Variants in CALD1 observed in about 807,000 individuals in gnomAD.
The protein encoded by CALD1 is caldesmon.
Under a neutral mutation model 99.9 loss-of-function variants are expected in CALD1, and 33 were observed. The ratio of observed to expected loss-of-function variants is 0.33; its 90% CI spans 0.25 to 0.44. The LOEUF (loss-of-function observed/expected upper bound fraction) is 0.44. CALD1 is among the 20% of genes least tolerant of loss of function. CALD1 has a pLI of 1.00. For synonymous variants in CALD1, 310 were observed against 325.0 expected, an observed-to-expected ratio of 0.95 and a Z score of 0.50; for missense variants, 861 against 962.1, an observed-to-expected ratio of 0.89 and a Z score of 1.39.
rs188953841 is a variant in CALD1, at chr7:134,783,562, G to A, written c.-130+3813G>A. ...TGGGTAAGGCTATGGGAGCGGGGTC[G>A]GGGGGAAACTATGACCTGGGCTGTG... On this transcript the variant is annotated intron_variant, in intron 1 of 14. Coordinates refer to ENST00000361675, the MANE Select transcript of CALD1 (RefSeq NM_033138.4). This position sits in a 1 kb window ranked among gnomAD's most constrained non-coding sequence, Gnocchi z 4.3. 2.6e-4 allele frequency among the ~76,000 whole-genome samples: 40 copies of A among 152,260 alleles called. No individual in the cohort carries two copies. In the East Asian group the frequency reaches 4.1e-3, roughly 15 times the overall value.
At chr7:134,785,132 T>C (rs1331911881) in intron 1 of CALD1, among the ~76,000 whole-genome samples, 1 of 152,154 alleles carries the variant, frequency 6.6e-6, no homozygotes, top group Non-Finnish European at 1.5e-5. Flanking sequence ...CCAACAGCTC[T>C]CAATGGGAAT....
intron 1 of CALD1, among the ~76,000 whole-genome samples, chr7:134,758,296 T>G (rs1796747190): frequency 6.6e-6 from 1 of 152,252 alleles, no homozygotes; most frequent in Non-Finnish European, 1.5e-5. Flanking sequence ...AGAACTGGGA[T>G]GACTGCCTGT....
In CALD1 at chr7:134,752,241, G is replaced by A. The variant is rs991483992; in HGVS notation, c.-130+7878G>A. On this transcript the variant is annotated intron_variant, in intron 1 of 13. Transcript: ENST00000417172. ...ATGCTTATTTCATATAGGCTAAGTAGAGAGTATTCAGCCTGTCAGAAAAGG... is the reference window on the plus strand; with the variant it reads ...ATGCTTATTTCATATAGGCTAAGTAAAGAGTATTCAGCCTGTCAGAAAAGG... 3.9e-5 allele frequency among the ~76,000 whole-genome samples: 6 copies of A among 152,214 alleles called. No individual in the cohort carries two copies. The East Asian group carries it at 9.6e-4, about 24-fold the overall frequency.
chr7:134,947,383 C>G, intron 7 of CALD1, 125 bp from the exon 8 acceptor site: 1 of 978,298 alleles, frequency 1.0e-6, no homozygotes, highest in Non-Finnish European at 1.5e-6. Flanking sequence ...AGCCTACCCC[C>G]TGGGCTAATG....
At chr7:134,962,316 C>CA (rs1808330258) in intron 13 of CALD1, 1 of 129,536 alleles carries the variant, frequency 7.7e-6, no homozygotes, top group Non-Finnish European at 1.6e-5. Context: ...GTTTCCACAG[C>CA]AAAAACAAAA....
intron 1 of CALD1, among the ~76,000 whole-genome samples, chr7:134,806,436 C>T (rs559683735): frequency 2.8e-4 from 42 of 152,156 alleles, no homozygotes; most frequent in Non-Finnish European, 5.6e-4. Flanking sequence ...AGTTTTCTGC[C>T]GTGTTACCAA....
chr7:134,870,631 T>C (rs926938829), intron 3 of CALD1, among the ~76,000 whole-genome samples: 3 of 152,208 alleles, frequency 2.0e-5, no homozygotes, highest in Non-Finnish European at 2.9e-5. Context: ...TATTTCTGTC[T>C]GTATTACTTC....
At chr7:134,762,500 C>G (rs1021229562) in intron 1 of CALD1, among the ~76,000 whole-genome samples, 12 of 152,142 alleles carry the variant, frequency 7.9e-5, no homozygotes, top group African/African-American at 2.7e-4. Context: ...ATACCAGAGA[C>G]TAGGTAATTT....
chr7:134,867,683 T>C lies in CALD1; in HGVS notation c.-41-10T>C. The C allele has an allele frequency of 9.0e-7, 1 of 1,116,522 alleles. No individual in the cohort carries two copies. Among genetic ancestry groups the C allele is most frequent in the Non-Finnish European group, 1.3e-6 (1 of 746,446 alleles). 69.2% of individuals were successfully genotyped at this position (1,116,522 alleles called of 1,614,324 possible). On this transcript the variant is annotated splice_polypyrimidine_tract_variant and intron_variant, in intron 2 of 14. Coordinates refer to ENST00000361675, the MANE Select transcript of CALD1 (RefSeq NM_033138.4). ...TATCAATGATATTGACTCTACCTCC[T>C]CTCTTTCAGGTCCAGACATCATCTG...
chr7:134,920,048 T>C (rs1804498781), intron 3 of CALD1, among the ~76,000 whole-genome samples: 1 of 152,206 alleles, frequency 6.6e-6, no homozygotes. Flanking sequence ...ACACCACATA[T>C]AAACAAAATC....
chr7:134,911,973 T>C (rs1803846002), intron 3 of CALD1, among the ~76,000 whole-genome samples: 1 of 151,864 alleles, frequency 6.6e-6, no homozygotes, highest in African/African-American at 2.4e-5. Context: ...ACTTCCATGA[T>C]GGAAGAATGT....
rs1047589798 is a variant in CALD1, at chr7:134,904,689, GC to G, written c.72-24064del. On this transcript the variant is annotated intron_variant, in intron 3 of 14. Transcript: ENST00000361675. ...TGTATAAAACCATTGGGTCTAGGGAGCTTTTGCCTCTTTGTGATCAGGAAGT... is the reference window on the plus strand; with the variant it reads ...TGTATAAAACCATTGGGTCTAGGGAGTTTTGCCTCTTTGTGATCAGGAAGT... Among the ~76,000 whole-genome samples the G allele has an allele frequency of 1.4e-4, 21 of 152,126 alleles. 1 individual carries two copies. Among genetic ancestry groups the G allele is most frequent in the African/African-American group, 4.1e-4 (17 of 41,380 alleles).
intron 14 of CALD1, 132 bp from the exon 15 acceptor site, chr7:134,968,208 T>A: frequency 1.3e-6 from 1 of 759,122 alleles, no homozygotes; most frequent in Non-Finnish European, 2.4e-6. Flanking sequence ...TAATCCTCCC[T>A]TTCATAAATA....
intron 2 of CALD1, among the ~76,000 whole-genome samples, chr7:134,854,410 T>C (rs1279707793): frequency 6.6e-6 from 1 of 152,222 alleles, no homozygotes; most frequent in Non-Finnish European, 1.5e-5. Flanking sequence ...GCATTGAATA[T>C]TTTTATTAAA....
chr7:134,895,729 T>C (rs536635983), intron 3 of CALD1, among the ~76,000 whole-genome samples: 19 of 152,314 alleles, frequency 1.2e-4, no homozygotes, highest in African/African-American at 3.6e-4. Context: ...TGACTATTGG[T>C]TTGTAGGCCA....
intron 3 of CALD1, chr7:134,920,758 A>T (rs1299578030): frequency 1.0e-6 from 1 of 999,198 alleles, no homozygotes; most frequent in Non-Finnish European, 1.4e-6. Flanking sequence ...GAACTTCAAT[A>T]GCATTCATTC....
At chr7:134,720,663 A>G in the CALD1 span, among the ~76,000 whole-genome samples, 1 of 152,198 alleles carries the variant, frequency 6.6e-6, no homozygotes, top group African/African-American at 2.4e-5. Flanking sequence ...CCTAAAGGAA[A>G]ACAAACGCTT....
At chr7:134,927,028 C>T (rs1056166655) in intron 3 of CALD1, among the ~76,000 whole-genome samples, 1 of 152,078 alleles carries the variant, frequency 6.6e-6, no homozygotes, top group African/African-American at 2.4e-5. Context: ...CACTGTAACT[C>T]TCCAATACAA....
At chr7:134,956,238 T>A (rs1033169912) in intron 9 of CALD1, among the ~76,000 whole-genome samples, 2 of 151,576 alleles carry the variant, frequency 1.3e-5, no homozygotes, top group Admixed American at 6.6e-5. Flanking sequence ...GAAGCATGTT[T>A]TCAAAAAAAA....
Sources: allele counts gnomAD v4.1 joint callset (sites outside exome capture counted in the v4.1 genomes callset), GRCh38; gene constraint gnomAD v4.1.1; non-coding constraint Gnocchi (gnomAD v3.1); transcripts MANE v1.5; gene names NCBI Gene and HGNC (gene_info 2026-07-23, HGNC 2026-07-21).